Variants in SLIT3 observed in about 807,000 individuals in gnomAD.
The protein encoded by SLIT3 is slit guidance ligand 3, also known as slit homolog 3 protein.
A neutral mutation model predicts 184.0 loss-of-function variants in SLIT3; 68 were observed. The ratio of observed to expected loss-of-function variants is 0.37; its 90% CI spans 0.30 to 0.45. SLIT3 has a LOEUF of 0.45. Among genes scored for constraint, SLIT3 ranks in the 20% least tolerant of loss-of-function variants. The pLI is 1.00. For synonymous variants in SLIT3, 831 were observed against 828.6 expected (o/e 1.00, Z -0.05); for missense variants, 1,707 against 2,026.0 (o/e 0.84, Z 3.02).
chr5:168,932,623 A>G (rs1762027993), intron 4 of SLIT3, among the ~76,000 whole-genome samples: 1 of 152,198 alleles, frequency 6.6e-6, no homozygotes. Context: ...CCTGGTGGGC[A>G]GCCAATGGAT....
At chr5:168,856,802 T>TGG (rs1395225143) in intron 5 of SLIT3, among the ~76,000 whole-genome samples, 3 of 143,088 alleles carry the variant, frequency 2.1e-5, no homozygotes, top group African/African-American at 8.2e-5. Flanking sequence ...TGTGTGTGTG[T>TGG]GTGTGCGCGC....
intron 4 of SLIT3, among the ~76,000 whole-genome samples, chr5:168,941,335 T>A (rs1219816649): frequency 6.6e-6 from 1 of 152,174 alleles, no homozygotes; most frequent in Non-Finnish European, 1.5e-5. Flanking sequence ...AAACTCTGGC[T>A]CTATATACTC....
intron 3 of SLIT3, among the ~76,000 whole-genome samples, chr5:169,205,270 A>G (rs1015487689): frequency 2.0e-5 from 3 of 152,222 alleles, no homozygotes; most frequent in Admixed American, 2.0e-4. Flanking sequence ...ATGCAACTCC[A>G]TGTAAACCAC....
At chr5:168,793,655 G>A (rs1046184048) in intron 10 of SLIT3, among the ~76,000 whole-genome samples, 2 of 152,158 alleles carry the variant, frequency 1.3e-5, no homozygotes, top group African/African-American at 4.8e-5. Flanking sequence ...ACATAGTCAA[G>A]CTTTAAATTA....
At chr5:169,262,050 G>A (rs1766208146) in intron 1 of SLIT3, among the ~76,000 whole-genome samples, 1 of 152,118 alleles carries the variant, frequency 6.6e-6, no homozygotes. Flanking sequence ...TTGGAAGCAG[G>A]TCCTTCTCCA....
chr5:169,004,819 A>G (rs1234897189), intron 4 of SLIT3, among the ~76,000 whole-genome samples: 5 of 152,256 alleles, frequency 3.3e-5, no homozygotes, highest in Admixed American at 2.6e-4. Flanking sequence ...CCATGTGACG[A>G]TACAGCTAGA....
intron 4 of SLIT3, among the ~76,000 whole-genome samples, chr5:168,948,591 T>G (rs1762559305): frequency 2.6e-5 from 4 of 152,182 alleles, no homozygotes. Context: ...TTTGGTGGAT[T>G]GATTTCACTG....
intron 4 of SLIT3, among the ~76,000 whole-genome samples, chr5:169,034,850 G>A (rs1757170045): frequency 6.6e-6 from 1 of 151,194 alleles, no homozygotes; most frequent in Admixed American, 6.6e-5. Context: ...ATGCTCAGGA[G>A]ATCCTCCCAC....
rs1216812543 is a variant in SLIT3, at chr5:168,799,973, C to T, written c.936-4395G>A. 3.3e-5 allele frequency among the ~76,000 whole-genome samples: 5 copies of T among 152,168 alleles called. No individual in the cohort carries two copies. In the East Asian group the frequency reaches 9.7e-4, roughly 29 times the overall value. Reference sequence around the variant, plus strand: ...TTAACCCTTAGGCTATCCTGCCTCCCACCCAGAAGCCACTTTTGTGGTTTC... The same window carrying T: ...TTAACCCTTAGGCTATCCTGCCTCCTACCCAGAAGCCACTTTTGTGGTTTC... On this transcript the variant is annotated intron_variant, in intron 9 of 35. Coordinates refer to ENST00000519560, the MANE Select transcript of SLIT3 (RefSeq NM_003062.4).
intron 12 of SLIT3, among the ~76,000 whole-genome samples, chr5:168,781,713 T>C (rs1311973431): frequency 6.6e-6 from 1 of 152,222 alleles, no homozygotes; most frequent in Non-Finnish European, 1.5e-5. Flanking sequence ...GCACCCTCTC[T>C]GTGGCTTGAT....
At chr5:168,757,226 T>C (rs979384249) in intron 16 of SLIT3, among the ~76,000 whole-genome samples, 1 of 152,102 alleles carries the variant, frequency 6.6e-6, no homozygotes, top group African/African-American at 2.4e-5. Context: ...CTCTCCATCT[T>C]TGGGTTAGTT....
chr5:168,714,406 G>T (rs1412153035), intron 23 of SLIT3, among the ~76,000 whole-genome samples: 3 of 152,060 alleles, frequency 2.0e-5, no homozygotes, highest in Non-Finnish European at 4.4e-5. Context: ...TGCAAGTCAG[G>T]CTCCATTCTC....
In SLIT3 at chr5:168,711,025, G is replaced by T; in HGVS notation, c.2589C>A (p.Cys863Ter). 6.3e-7 allele frequency: 1 copy of T among 1,590,040 alleles called. No homozygotes were observed. The highest frequency in any genetic ancestry group is 8.6e-7 in the Non-Finnish European group (1 of 1,167,562). Residue 863 changes from cysteine (C) to a stop codon, truncating the protein, a stop_gained, in exon 25 of 36, where the codon TGC (cysteine) becomes TGA (stop). Transcript: ENST00000519560. LOFTEE classifies it high-confidence loss of function. ...CCCACTCCGACAGCCACCGAAGACT[G>T]CAGTCACAGTGGAGTGGGTTGGTTC... is the stretch of plus-strand genomic sequence containing the variant. ...ALGTNPLHCD[C>*]SLRWLSEWVK...
intron 4 of SLIT3, among the ~76,000 whole-genome samples, chr5:169,118,880 C>T (rs1038437372): frequency 1.3e-5 from 2 of 152,154 alleles, no homozygotes; most frequent in Non-Finnish European, 2.9e-5. Flanking sequence ...GCTGCAGTCA[C>T]ATAATTTTTA....
chr5:168,700,115 G>A (rs1251327633), intron 27 of SLIT3, among the ~76,000 whole-genome samples: 1 of 152,212 alleles, frequency 6.6e-6, no homozygotes, highest in Non-Finnish European at 1.5e-5. Flanking sequence ...TTCTCATACA[G>A]GGCCAGCACA....
chr5:169,093,638 T>C (rs1038812274), intron 4 of SLIT3, among the ~76,000 whole-genome samples: 1 of 152,334 alleles, frequency 6.6e-6, no homozygotes, highest in African/African-American at 2.4e-5. Context: ...TCATGGGTTT[T>C]AGTCTTTGTT....
intron 4 of SLIT3, among the ~76,000 whole-genome samples, chr5:169,004,527 G>A (rs961326019): frequency 6.6e-6 from 1 of 152,184 alleles, no homozygotes; most frequent in African/African-American, 2.4e-5. Flanking sequence ...ATGCAGAGAG[G>A]AGAGAAGGGG....
chr5:169,114,746 G>A (rs756565178), intron 4 of SLIT3, among the ~76,000 whole-genome samples: 4 of 152,216 alleles, frequency 2.6e-5, no homozygotes, highest in Non-Finnish European at 5.9e-5. Context: ...TAGGGCTGGA[G>A]GCCTGCTCTC....
chr5:169,113,890 G>A (rs916812661), intron 4 of SLIT3, among the ~76,000 whole-genome samples: 4 of 152,056 alleles, frequency 2.6e-5, no homozygotes, highest in Non-Finnish European at 4.4e-5. Context: ...TGTTGGCCTC[G>A]TCATCTGCCC....
Sources: allele counts gnomAD v4.1 joint callset (sites outside exome capture counted in the v4.1 genomes callset), GRCh38; gene constraint gnomAD v4.1.1; transcripts MANE v1.5; gene names NCBI Gene and HGNC (gene_info 2026-07-23, HGNC 2026-07-21).